Variants in INTS8 observed in about 807,000 individuals in gnomAD.
INTS8 encodes the protein integrator complex subunit 8.
A neutral mutation model predicts 138.9 loss-of-function variants in INTS8; 47 were observed. The ratio of observed to expected loss-of-function variants is 0.34; its 90% confidence interval spans 0.27 to 0.43. The LOEUF (loss-of-function observed/expected upper bound fraction) is 0.43. Among genes scored for constraint, INTS8 ranks in the 20% least tolerant of loss-of-function variants. The pLI is 1.00. For synonymous variants in INTS8, 392 were observed against 400.9 expected (o/e 0.98, Z 0.27); for missense variants, 996 against 1,173.0 (o/e 0.85, Z 2.20).
chr8:94,854,102 A>C (rs1336202820), intron 14 of INTS8, among the ~76,000 whole-genome samples, 187 bp downstream of exon 14: 1 of 151,744 alleles, frequency 6.6e-6, no homozygotes, highest in East Asian at 1.9e-4. Flanking sequence ...GGGTGACTAT[A>C]ATCTCAGCTA....
chr8:94,828,019 C>T (rs963812281), intron 4 of INTS8, among the ~76,000 whole-genome samples: 8 of 149,110 alleles, frequency 5.4e-5, no homozygotes, highest in Admixed American at 3.4e-4. Flanking sequence ...TGCCATTTAT[C>T]TGAAAGCAGT....
intron 10 of INTS8, among the ~76,000 whole-genome samples, chr8:94,848,091 C>T (rs969028606): frequency 4.0e-5 from 6 of 148,532 alleles, no homozygotes; most frequent in African/African-American, 1.5e-4. Flanking sequence ...TCACTCTAAC[C>T]TCTGCCTCCT....
chr8:94,851,758 C>A, intron 13 of INTS8, 72 bp downstream of exon 13: 3 of 1,318,222 alleles, frequency 2.3e-6, no homozygotes, highest in South Asian at 1.5e-5. Context: ...AAAAGCTGTT[C>A]CCTGACCTTT....
At chr8:94,871,764 T>A (rs1159757281) in intron 20 of INTS8, 120 bp from the exon 21 acceptor site, 11 of 673,194 alleles carry the variant, frequency 1.6e-5, no homozygotes, top group Non-Finnish European at 2.9e-5. Context: ...CTCCTAGTAT[T>A]TAGCATTATA....
intron 16 of INTS8, among the ~76,000 whole-genome samples, chr8:94,865,194 C>T (rs1816132260): frequency 6.6e-6 from 1 of 151,952 alleles, no homozygotes; most frequent in Non-Finnish European, 1.5e-5. Context: ...GTGTATTTAG[C>T]AACTCGTTTT....
intron 20 of INTS8, among the ~76,000 whole-genome samples, chr8:94,869,396 G>A (rs1364317103): frequency 5.9e-5 from 9 of 151,926 alleles, no homozygotes; most frequent in Non-Finnish European, 1.0e-4. Flanking sequence ...GTACGATCTC[G>A]GCTTACTGCA....
At chr8:94,874,476 C>T in intron 22 of INTS8, 76 bp from the exon 23 acceptor site, 1 of 802,154 alleles carries the variant, frequency 1.2e-6, no homozygotes, top group Non-Finnish European at 2.2e-6. Context: ...CTTTTGACAT[C>T]CCATACCAGA....
chr8:94,846,557 A>G (rs1586490867), intron 10 of INTS8, among the ~76,000 whole-genome samples: 1 of 152,316 alleles, frequency 6.6e-6, no homozygotes, highest in Non-Finnish European at 1.5e-5. Flanking sequence ...TACAGGTGTG[A>G]GCCACCACAC....
At chr8:94,861,677 C>G (rs1301369289) in intron 16 of INTS8, among the ~76,000 whole-genome samples, 1 of 152,062 alleles carries the variant, frequency 6.6e-6, no homozygotes, top group African/African-American at 2.4e-5. Flanking sequence ...CTCAGCCCCC[C>G]GAGTAGCTGG....
intron 8 of INTS8, among the ~76,000 whole-genome samples, chr8:94,840,289 C>T (rs1027608165): frequency 6.6e-6 from 1 of 152,168 alleles, no homozygotes; most frequent in African/African-American, 2.4e-5. Flanking sequence ...GGAGGTGAAG[C>T]TAGTGGTTGC....
At position 94,845,877 on chromosome 8, in the gene INTS8, C is replaced by G. The variant is rs544696615; in HGVS notation, c.1260+3389C>G. Among the ~76,000 whole-genome samples the G allele has an allele frequency of 2.4e-3, 367 of 152,272 alleles. 2 individuals are homozygous for G. The highest frequency in any genetic ancestry group is 1.4e-3 in the Non-Finnish European group (97 of 68,014). On this transcript the variant is annotated intron_variant, in intron 10 of 26. Transcript: ENST00000523731. ...AAGCCAGTTTAGAAAGAAATTATGT[C>G]TCTTTTCTTTATTAGAAAAAATTTT...
chr8:94,854,127 C>T (rs1448639684), intron 14 of INTS8, among the ~76,000 whole-genome samples: 1 of 145,170 alleles, frequency 6.9e-6, no homozygotes, highest in Admixed American at 7.0e-5. Context: ...GAGTCTGAGG[C>T]AGGAGAATCT....
intron 16 of INTS8, chr8:94,864,788 C>G (rs187573148): frequency 6.6e-6 from 1 of 152,198 alleles, no homozygotes; most frequent in African/African-American, 2.4e-5. Context: ...CTTTCCCACT[C>G]TTTATTTCTG....
intron 1 of INTS8, 36 bp from the exon 2 acceptor site, chr8:94,824,857 C>T: frequency 7.5e-7 from 1 of 1,335,050 alleles, no homozygotes; most frequent in Non-Finnish European, 9.9e-7. Context: ...ATAATTAAAA[C>T]TTAAATTTAA....
intron 22 of INTS8, chr8:94,873,814 ACCAT>A: frequency 5.5e-6 from 1 of 182,498 alleles, no homozygotes; most frequent in South Asian, 1.4e-4. Flanking sequence ...TTTTTGTTTA[ACCAT>A]TTGAGTAGTT....
At chr8:94,828,417 G>A (rs1205289978) in intron 4 of INTS8, among the ~76,000 whole-genome samples, 2 of 152,160 alleles carry the variant, frequency 1.3e-5, no homozygotes, top group East Asian at 3.8e-4. Context: ...CAATATTAGA[G>A]TACAATACAA....
chr8:94,879,531 G>A (rs1012469998), intron 26 of INTS8, among the ~76,000 whole-genome samples: 2 of 151,744 alleles, frequency 1.3e-5, no homozygotes, highest in Non-Finnish European at 1.5e-5. Flanking sequence ...GGAGGCAAAG[G>A]CTGTAGTGAG....
chr8:94,826,154 A>C (rs1027529411), intron 2 of INTS8, among the ~76,000 whole-genome samples: 1 of 152,252 alleles, frequency 6.6e-6, no homozygotes, highest in Non-Finnish European at 1.5e-5. Flanking sequence ...ATCGTGCAGT[A>C]TAAACATTGT....
chr8:94,867,519 C>T, intron 20 of INTS8, 182 bp downstream of exon 20: 1 of 452,446 alleles, frequency 2.2e-6, no homozygotes. Context: ...TAAGGCATAA[C>T]CCTTTTTTTT....
Sources: gnomAD v4.1 joint callset for allele counts (sites outside exome capture counted in the v4.1 genomes callset) on GRCh38, gnomAD v4.1.1 for gene constraint, MANE v1.5 for transcripts, NCBI Gene and HGNC (gene_info 2026-07-23, HGNC 2026-07-21) for gene names.